The following PLS1 variants were observed in gnomAD, a reference collection of about 807,000 sequenced individuals.
The protein encoded by PLS1 is plastin-1.
Under a neutral mutation model 73.7 loss-of-function variants are expected in PLS1, and 32 were observed. The ratio of observed to expected loss-of-function variants is 0.43; its 90% confidence interval spans 0.33 to 0.58. The LOEUF (loss-of-function observed/expected upper bound fraction) is 0.58. Among genes scored for constraint, PLS1 ranks in the 20% least tolerant of loss-of-function variants. The pLI is 0.04. For synonymous variants in PLS1, 217 were observed against 261.3 expected, an observed-to-expected ratio of 0.83 and a Z score of 1.63; for missense variants, 633 against 740.5, an observed-to-expected ratio of 0.85 and a Z score of 1.68.
At chr3:142,599,547 T>A (rs2035878029) in intron 1 of PLS1, among the ~76,000 whole-genome samples, 1 of 151,802 alleles carries the variant, frequency 6.6e-6, no homozygotes, top group Non-Finnish European at 1.5e-5. Flanking sequence ...GCCAGGATGG[T>A]CTCGATCTCC....
chr3:142,678,521 T>C (rs1359722356), intron 6 of PLS1, among the ~76,000 whole-genome samples: 5 of 149,664 alleles, frequency 3.3e-5, no homozygotes, highest in Non-Finnish European at 7.4e-5. Context: ...GAATATGTGG[T>C]GTTTGGTTTT....
chr3:142,627,825 C>T (rs994642427), intron 1 of PLS1: 1 of 150,214 alleles, frequency 6.7e-6, no homozygotes, highest in Non-Finnish European at 1.5e-5. Context: ...GAGACAGAGT[C>T]TCCCTGTGTT....
In PLS1 at chr3:142,689,612, G is replaced by T. The variant is rs1348694274; in HGVS notation, c.982-6G>T. The stretch of plus-strand genomic sequence containing the variant: ...CAATTGTAACCATTTTTGTTTTATT[G>T]TTTAGGAGACAAATGACCTGAAGCG... On this transcript the variant is annotated splice_polypyrimidine_tract_variant and splice_region_variant and intron_variant, in intron 9 of 15. Transcript: ENST00000457734. 5.3e-6 allele frequency: 8 copies of T among 1,520,164 alleles called. No individual in the cohort carries two copies. Among genetic ancestry groups the T allele is most frequent in the African/African-American group, 2.8e-5 (2 of 70,646 alleles). The allele number at this position is 1,520,164 out of a possible 1,614,324, so 94.2% of individuals were successfully genotyped here. A position where few individuals can be genotyped will look rare whatever the true frequency, so the allele number is the denominator to read the frequency against.
chr3:142,635,631 T>A (rs536089917), intron 1 of PLS1, among the ~76,000 whole-genome samples: 2 of 152,000 alleles, frequency 1.3e-5, no homozygotes, highest in African/African-American at 4.8e-5. Context: ...AATAGAGATA[T>A]AACATGGTGA....
At chr3:142,607,717 C>T (rs1443889616) in intron 1 of PLS1, among the ~76,000 whole-genome samples, 1 of 152,160 alleles carries the variant, frequency 6.6e-6, no homozygotes, top group Non-Finnish European at 1.5e-5. Context: ...GTTCCAGGAT[C>T]CCATCCAGGA....
chr3:142,708,606 A>G (rs1932963775), intron 14 of PLS1, among the ~76,000 whole-genome samples: 1 of 152,246 alleles, frequency 6.6e-6, no homozygotes, highest in Non-Finnish European at 1.5e-5. Context: ...TCTAATACAT[A>G]TCAAATAGAG....
chr3:142,686,673 C>T (rs2037973258), intron 9 of PLS1, among the ~76,000 whole-genome samples: 2 of 152,196 alleles, frequency 1.3e-5, no homozygotes, highest in Admixed American at 1.3e-4. Flanking sequence ...GTACAGTTCT[C>T]TACAAGCAGC....
intron 1 of PLS1, among the ~76,000 whole-genome samples, chr3:142,649,112 A>C (rs1411528576): frequency 6.6e-6 from 1 of 152,146 alleles, no homozygotes; most frequent in Non-Finnish European, 1.5e-5. Context: ...GCCTCATGTC[A>C]GAAAGACCTG....
At chr3:142,632,597 A>AC (rs113005845) in intron 1 of PLS1, among the ~76,000 whole-genome samples, 1 of 145,206 alleles carries the variant, frequency 6.9e-6, no homozygotes, top group African/African-American at 2.5e-5. Flanking sequence ...TTAGAGCAGG[A>AC]TTTTTTTTTT....
intron 12 of PLS1, among the ~76,000 whole-genome samples, chr3:142,699,882 G>A (rs1030807384): frequency 1.3e-5 from 2 of 152,138 alleles, no homozygotes; most frequent in African/African-American, 4.8e-5. Flanking sequence ...AGCATTTCTA[G>A]TCATTGGACT....
chr3:142,625,524 G>A (rs903307925), intron 1 of PLS1, among the ~76,000 whole-genome samples: 1 of 152,088 alleles, frequency 6.6e-6, no homozygotes, highest in African/African-American at 2.4e-5. Context: ...AAATGTTGGA[G>A]CGGTGGTCCC....
chr3:142,668,807 G>A (rs890729830), intron 2 of PLS1, among the ~76,000 whole-genome samples: 2 of 151,882 alleles, frequency 1.3e-5, no homozygotes, highest in Admixed American at 6.6e-5. Context: ...TCACCATGTT[G>A]ACCAGGCCGA....
intron 10 of PLS1, among the ~76,000 whole-genome samples, chr3:142,691,418 C>A (rs931846687): frequency 1.3e-5 from 2 of 151,756 alleles, no homozygotes; most frequent in African/African-American, 4.8e-5. Flanking sequence ...ATTTCAAAAT[C>A]CCTCTGTCAG....
chr3:142,600,880 A>T (rs1421753769), intron 1 of PLS1, among the ~76,000 whole-genome samples: 1 of 15,920 alleles, frequency 6.3e-5, no homozygotes, highest in African/African-American at 3.4e-4. Flanking sequence ...CTGGTTTCAT[A>T]TATATATATA....
intron 1 of PLS1, among the ~76,000 whole-genome samples, chr3:142,624,014 C>G (rs1428180082): frequency 6.6e-6 from 1 of 152,062 alleles, no homozygotes; most frequent in Non-Finnish European, 1.5e-5. Flanking sequence ...CTGATGGAAA[C>G]AGCTCTTCCA....
At chr3:142,681,904 C>CT (rs2107882112) in intron 6 of PLS1, among the ~76,000 whole-genome samples, 2 of 152,266 alleles carry the variant, frequency 1.3e-5, no homozygotes, top group East Asian at 3.9e-4. Flanking sequence ...AGCCAAATTA[C>CT]TTTAAGACAT....
chr3:142,632,433 T>G (rs1213959243), intron 1 of PLS1, among the ~76,000 whole-genome samples: 1 of 152,078 alleles, frequency 6.6e-6, no homozygotes, highest in Non-Finnish European at 1.5e-5. Context: ...ATTTAAAAAG[T>G]GTTGCTGAGG....
chr3:142,687,445 G>A (rs1387423895), intron 9 of PLS1, among the ~76,000 whole-genome samples: 11 of 152,104 alleles, frequency 7.2e-5, no homozygotes. Flanking sequence ...AAGGCAACTT[G>A]AGTCATTACT....
At chr3:142,708,498 G>A (rs2107971753) in intron 14 of PLS1, among the ~76,000 whole-genome samples, 1 of 151,482 alleles carries the variant, frequency 6.6e-6, no homozygotes, top group South Asian at 2.1e-4. Context: ...TGCCTGCCTT[G>A]GCCTCCCAAA....
Sources: gnomAD v4.1 joint callset for allele counts (sites outside exome capture counted in the v4.1 genomes callset) on GRCh38, gnomAD v4.1.1 for gene constraint, MANE v1.5 for transcripts, NCBI Gene and HGNC (gene_info 2026-07-23, HGNC 2026-07-21) for gene names.